WNT7A: variants seen among roughly 807,000 people sequenced by gnomAD.
The protein encoded by WNT7A is protein Wnt-7a.
In WNT7A, 16 loss-of-function variants were observed where a neutral mutation model predicts 28.2. The ratio of observed to expected loss-of-function variants is 0.57; its 90% CI spans 0.38 to 0.86. WNT7A has a LOEUF of 0.86. WNT7A is among the 40% of genes least tolerant of loss of function. The pLI, the probability that WNT7A is intolerant of heterozygous loss-of-function variation, is 0.00. For missense variants in WNT7A, 411 were observed against 489.7 expected (o/e 0.84, Z 1.52); for synonymous variants, 190 against 195.9 (o/e 0.97, Z 0.25).
At chr3:13,826,021 G>A (rs979251309) in intron 3 of WNT7A, among the ~76,000 whole-genome samples, 5 of 152,200 alleles carry the variant, frequency 3.3e-5, no homozygotes, top group African/African-American at 9.7e-5. Context: ...GGTGCTGCCC[G>A]GTGTTTGCAA....
At chr3:13,861,967 C>T (rs1694837889) in intron 2 of WNT7A, among the ~76,000 whole-genome samples, 1 of 152,196 alleles carries the variant, frequency 6.6e-6, no homozygotes, top group South Asian at 2.1e-4. Flanking sequence ...AGAGACCTTC[C>T]CTCCTGTGAT....
At chr3:13,821,155 G>A (rs1306806000) in intron 3 of WNT7A, among the ~76,000 whole-genome samples, 3 of 152,238 alleles carry the variant, frequency 2.0e-5, no homozygotes, top group Admixed American at 6.5e-5. Context: ...AGGCTTGGAG[G>A]TGTGATGACA....
intron 3 of WNT7A, among the ~76,000 whole-genome samples, chr3:13,822,008 G>T (rs765110200): frequency 1.3e-5 from 2 of 152,204 alleles, no homozygotes; most frequent in Non-Finnish European, 2.9e-5. Context: ...CAGCAGCACT[G>T]GTCCCCAGGG....
At chr3:13,850,504 G>A (rs1195475817) in intron 3 of WNT7A, among the ~76,000 whole-genome samples, 1 of 152,174 alleles carries the variant, frequency 6.6e-6, no homozygotes, top group Non-Finnish European at 1.5e-5. Flanking sequence ...GGCTGGGCAG[G>A]GACTGGGAGG....
chr3:13,833,019 C>T (rs925934951), intron 3 of WNT7A, among the ~76,000 whole-genome samples: 2 of 152,038 alleles, frequency 1.3e-5, no homozygotes, highest in East Asian at 1.9e-4. Flanking sequence ...CTTAGGAGCC[C>T]GAGAACTGTG....
rs1392581750 is a variant in WNT7A, at chr3:13,817,402, C to G, written c.*1542G>C. 6.6e-6 allele frequency: 1 copy of G among 150,672 alleles called. No homozygotes were observed. Among genetic ancestry groups the G allele is most frequent in the African/African-American group, 2.5e-5 (1 of 40,796 alleles). 9.3% of individuals were successfully genotyped at this position (150,672 alleles called of 1,614,324 possible). A position where few individuals can be genotyped will look rare whatever the true frequency, so the allele number is the denominator to read the frequency against. ...AGGCGCAAAGTCACGTGACTACACT[C>G]AAGTCCCTAAGAAGATACAGTACAC... On this transcript the variant is annotated 3_prime_UTR_variant, in exon 4 of 4. Coordinates refer to ENST00000285018, the MANE Select transcript of WNT7A (RefSeq NM_004625.4).
At chr3:13,859,997 G>A (rs1156566580) in intron 2 of WNT7A, among the ~76,000 whole-genome samples, 9 of 151,954 alleles carry the variant, frequency 5.9e-5, no homozygotes, top group Non-Finnish European at 1.2e-4. Context: ...CCATCTCCTA[G>A]CCCATTCATC....
Position 13,874,946 on chromosome 3 carries a change from C to G in WNT7A, c.298+1G>C. On this transcript the variant is annotated splice_donor_variant, in intron 2 of 3. Coordinates refer to ENST00000285018, the MANE Select transcript of WNT7A (RefSeq NM_004625.4). LOFTEE classifies it high-confidence loss of function. ...GCGGGGGTGTTTGGGTGAGCACATA[C>G]CCACTTTGAGCTCCTTCCCGAAGAC... 6.2e-7 allele frequency: 1 copy of G among 1,613,880 alleles called. No individual in the cohort carries two copies. The highest frequency in any genetic ancestry group is 8.5e-7 in the Non-Finnish European group (1 of 1,180,002).
At chr3:13,830,941 A>G (rs1694272289) in intron 3 of WNT7A, among the ~76,000 whole-genome samples, 1 of 152,138 alleles carries the variant, frequency 6.6e-6, no homozygotes, top group Non-Finnish European at 1.5e-5. Flanking sequence ...TTGTCTCCTC[A>G]TGACATGGGC....
At chr3:13,868,939 G>T (rs1694978404) in intron 2 of WNT7A, among the ~76,000 whole-genome samples, 1 of 133,016 alleles carries the variant, frequency 7.5e-6, no homozygotes, top group Admixed American at 7.8e-5. Flanking sequence ...AGGAAGGAAG[G>T]AAAAGAGAGA....
intron 2 of WNT7A, among the ~76,000 whole-genome samples, chr3:13,872,670 C>T (rs1020623703): frequency 2.6e-5 from 4 of 152,194 alleles, no homozygotes; most frequent in Admixed American, 6.5e-5. Context: ...CCCTGGTGTG[C>T]GCTGGCAGTA....
chr3:13,846,089 C>T (rs1236344549), intron 3 of WNT7A, among the ~76,000 whole-genome samples: 2 of 152,222 alleles, frequency 1.3e-5, no homozygotes, highest in Non-Finnish European at 2.9e-5. Context: ...TCCTCCCTGG[C>T]CCTGATGTGT....
At position 13,819,241 on chromosome 3, in the gene WNT7A, G is replaced by A. The variant is rs769047374; in HGVS notation, c.753C>T (p.Phe251=). The A allele has an allele frequency of 2.5e-5, 40 of 1,614,122 alleles. No individual in the cohort carries two copies. The highest frequency in any genetic ancestry group is 2.7e-5 in the Non-Finnish European group (32 of 1,180,050). The change falls in exon 4 of 4, where the codon TTC becomes TTT. Residue 251 remains phenylalanine (F), a synonymous_variant. Transcript: ENST00000285018. ...ACGACAGTGGCTTCTTGATCTTCAG[G>A]AAGGTGGGCCGCTTGTTGCGGCTGG... The part of the protein sequence containing the change: ...VRASRNKRPT[F]LKIKKPLSYR...
intron 3 of WNT7A, among the ~76,000 whole-genome samples, chr3:13,845,235 G>A (rs1048577737): frequency 8.5e-5 from 13 of 152,198 alleles, no homozygotes; most frequent in Admixed American, 2.0e-4. Flanking sequence ...AGCTTCCACC[G>A]CAGCTAAGAC....
At position 13,835,448 on chromosome 3, in the gene WNT7A, T is replaced by A. The variant is rs1448071577; in HGVS notation, c.571-16025A>T. ...CTTTGGTGGTAAATCAGCTACAAACTGTGCATCTGATGAGGGCTGAGCCAG... is the reference window on the plus strand; with the variant it reads ...CTTTGGTGGTAAATCAGCTACAAACAGTGCATCTGATGAGGGCTGAGCCAG... On this transcript the variant is annotated intron_variant, in intron 3 of 3. Coordinates refer to ENST00000285018, the MANE Select transcript of WNT7A (RefSeq NM_004625.4). 3.3e-5 allele frequency among the ~76,000 whole-genome samples: 5 copies of A among 152,222 alleles called. No individual in the cohort carries two copies. In the East Asian group the frequency reaches 9.6e-4, roughly 29 times the overall value.
chr3:13,858,495 T>C (rs1694782923), intron 2 of WNT7A, among the ~76,000 whole-genome samples: 2 of 152,140 alleles, frequency 1.3e-5, no homozygotes, highest in South Asian at 4.1e-4. Flanking sequence ...TAACCACAGA[T>C]GGCTTCCACC....
At chr3:13,835,487 T>C (rs1171974694) in intron 3 of WNT7A, among the ~76,000 whole-genome samples, 1 of 152,246 alleles carries the variant, frequency 6.6e-6, no homozygotes, top group East Asian at 1.9e-4. Flanking sequence ...CCTCAGCTCC[T>C]GCTGGCCTGC....
In WNT7A at chr3:13,817,530, A is replaced by C. The variant is rs3796317; in HGVS notation, c.*1414T>G. 0.13 allele frequency: 20,037 copies of C among 152,518 alleles called. 1,587 individuals are homozygous for C. Among genetic ancestry groups the C allele is most frequent in the Middle Eastern group, 0.22 (67 of 298 alleles). 9.4% of individuals were successfully genotyped at this position (152,518 alleles called of 1,614,324 possible). On this transcript the variant is annotated 3_prime_UTR_variant, in exon 4 of 4. Transcript: ENST00000285018. Reference sequence around the variant, plus strand: ...CCAGCCTGCTGGAGGACAGCTTTCTAGGCTGAGGCTCTGGGTGTAGCTGGA... The same window carrying C: ...CCAGCCTGCTGGAGGACAGCTTTCTCGGCTGAGGCTCTGGGTGTAGCTGGA...
At position 13,818,351 on chromosome 3, in the gene WNT7A, C is replaced by CAAAAAAAA. The variant is rs397935007; in HGVS notation, c.*585_*592dup. On this transcript the variant is annotated 3_prime_UTR_variant, in exon 4 of 4. Transcript: ENST00000285018. The stretch of plus-strand genomic sequence containing the variant: ...TTTCTGGATAAGTAGCAGCAAACAG[C>CAAAAAAAA]AAAAAAAAAAAAAAAAATGTGTGTG... 42 of 79,908 alleles carry CAAAAAAAA rather than the reference C, an allele frequency of 5.3e-4. 1 individual carries two copies. Among genetic ancestry groups the CAAAAAAAA allele is most frequent in the East Asian group, 9.9e-4 (2 of 2,016 alleles). The allele number at this position is 79,908 out of a possible 1,614,324, so 4.9% of individuals were successfully genotyped here. A position where few individuals can be genotyped will look rare whatever the true frequency, so the allele number is the denominator to read the frequency against.
Sources: allele counts gnomAD v4.1 joint callset (sites outside exome capture counted in the v4.1 genomes callset), GRCh38; gene constraint gnomAD v4.1.1; transcripts MANE v1.5; gene names NCBI Gene and HGNC (gene_info 2026-07-23, HGNC 2026-07-21).